UBAP2: variants seen among roughly 807,000 people sequenced by gnomAD.
UBAP2 encodes ubiquitin associated protein 2, also known as ubiquitin-associated protein 2.
A neutral mutation model predicts 139.6 loss-of-function variants in UBAP2; 75 were observed. That is an observed-to-expected ratio of 0.54 (90% CI 0.45 to 0.65). The LOEUF (loss-of-function observed/expected upper bound fraction) is 0.65, where lower values mean the gene tolerates loss of function less well. UBAP2 is among the 30% of genes least tolerant of loss of function. The pLI is 0.00. For missense variants in UBAP2, 1,368 were observed against 1,369.6 expected, an observed-to-expected ratio of 1.00 and a Z score of 0.02; for synonymous variants, 526 against 526.2, an observed-to-expected ratio of 1.00 and a Z score of 0.01.
chr9:33,931,035 T>C (rs1823936482), intron 19 of UBAP2, among the ~76,000 whole-genome samples: 1 of 152,298 alleles, frequency 6.6e-6, no homozygotes. Flanking sequence ...AGAAAAACTT[T>C]TCATTGTCTA....
intron 2 of UBAP2, among the ~76,000 whole-genome samples, chr9:34,013,456 A>G (rs1823950539): frequency 6.6e-6 from 1 of 152,094 alleles, no homozygotes; most frequent in African/African-American, 2.4e-5. Context: ...GCACCATTGC[A>G]CTCCAGCCTG....
At chr9:34,019,293 C>A (rs1221529632) in intron 1 of UBAP2, among the ~76,000 whole-genome samples, 1 of 152,068 alleles carries the variant, frequency 6.6e-6, no homozygotes, top group Non-Finnish European at 1.5e-5. Flanking sequence ...ATCCCAGCAA[C>A]TCAGGAAGCT....
rs966060887 is a variant in UBAP2 at position 33,956,591 on chromosome 9, A to G, written c.799-445T>C. ...TGATGCACCCACCTTGACCTCCCAA[A>G]GTGTTGGGATTACAAGTATAAGCCA... On this transcript the variant is annotated intron_variant, in intron 10 of 28. Transcript: ENST00000379238. Among the ~76,000 whole-genome samples, 67 of 152,166 alleles carry G rather than the reference A, an allele frequency of 4.4e-4. 1 individual carries two copies. The highest frequency in any genetic ancestry group is 1.5e-3 in the African/African-American group (64 of 41,520).
chr9:33,960,788 A>C (rs1360109604), intron 10 of UBAP2, 38 bp downstream of exon 10: 1 of 1,588,450 alleles, frequency 6.3e-7, no homozygotes, highest in African/African-American at 1.4e-5. Flanking sequence ...TTCAAAAAAA[A>C]AAAAAAAGAA....
chr9:34,044,358 G>A (rs958357865), intron 1 of UBAP2, among the ~76,000 whole-genome samples: 27 of 149,682 alleles, frequency 1.8e-4, no homozygotes, highest in Non-Finnish European at 3.6e-4. Context: ...CCGAGATAGC[G>A]CCACTGCACT....
intron 9 of UBAP2, among the ~76,000 whole-genome samples, chr9:33,963,077 T>C (rs1487836838): frequency 6.6e-6 from 1 of 152,174 alleles, no homozygotes; most frequent in African/African-American, 2.4e-5. Context: ...ACTTTGGACT[T>C]GCATAATAGG....
chr9:33,962,162 T>C (rs895995193), intron 9 of UBAP2, among the ~76,000 whole-genome samples: 1 of 152,164 alleles, frequency 6.6e-6, no homozygotes, highest in African/African-American at 2.4e-5. Flanking sequence ...AAAACAATGA[T>C]GAAACATTAC....
At chr9:34,017,238 G>A (rs1824447205) in intron 1 of UBAP2, 49 bp from the exon 2 acceptor site, 1 of 819,958 alleles carries the variant, frequency 1.2e-6, no homozygotes, top group Admixed American at 3.2e-5. Flanking sequence ...TAAAAGATAA[G>A]CATGTACTTC....
At chr9:33,923,695 G>A in intron 24 of UBAP2, 100 bp downstream of exon 24, 1 of 1,306,140 alleles carries the variant, frequency 7.7e-7, no homozygotes, top group Non-Finnish European at 1.1e-6. Flanking sequence ...AGACGGAGTG[G>A]AATCACAACC....
At chr9:33,992,865 C>G (rs1228806350) in intron 4 of UBAP2, among the ~76,000 whole-genome samples, 1 of 152,126 alleles carries the variant, frequency 6.6e-6, no homozygotes, top group Non-Finnish European at 1.5e-5. Flanking sequence ...AGTTGCAGAA[C>G]AGGTCTGAAG....
chr9:33,971,847 A>G, intron 7 of UBAP2, 93 bp from the exon 8 acceptor site: 1 of 736,984 alleles, frequency 1.4e-6, no homozygotes, highest in Non-Finnish European at 2.4e-6. Flanking sequence ...AAACAAGCCC[A>G]GTGCCTTCTC....
chr9:33,980,029 C>T (rs990060861), intron 6 of UBAP2, among the ~76,000 whole-genome samples: 5 of 151,420 alleles, frequency 3.3e-5, no homozygotes, highest in Admixed American at 6.6e-5. Flanking sequence ...GCCGAGATCA[C>T]GCCACTGCAC....
chr9:33,987,063 G>A (rs1345850211), intron 5 of UBAP2, among the ~76,000 whole-genome samples: 2 of 152,074 alleles, frequency 1.3e-5, no homozygotes, highest in Non-Finnish European at 2.9e-5. Flanking sequence ...CAGCTGAGGG[G>A]GGCAGATCTC....
intron 1 of UBAP2, among the ~76,000 whole-genome samples, chr9:34,022,305 A>G (rs903536718): frequency 3.9e-5 from 6 of 151,976 alleles, no homozygotes; most frequent in African/African-American, 1.5e-4. Context: ...CATCTTAAGT[A>G]TCTAAAGTGA....
chr9:34,030,691 C>A (rs965901965), intron 1 of UBAP2, among the ~76,000 whole-genome samples: 1 of 152,224 alleles, frequency 6.6e-6, no homozygotes, highest in African/African-American at 2.4e-5. Flanking sequence ...CTTTGGGAGG[C>A]CCGGGCGCAT....
chr9:33,992,325 GT>G (rs1339427918), intron 4 of UBAP2, among the ~76,000 whole-genome samples: 1 of 144,868 alleles, frequency 6.9e-6, no homozygotes, highest in African/African-American at 2.6e-5. Context: ...GAGGCAGGAG[GT>G]TGTGGTGAGC....
At chr9:34,045,024 A>C (rs751924134) in intron 1 of UBAP2, among the ~76,000 whole-genome samples, 2 of 152,008 alleles carry the variant, frequency 1.3e-5, no homozygotes, top group African/African-American at 2.4e-5. Flanking sequence ...GTTATCAAAA[A>C]ATGGAAACTT....
rs369436264 is a variant in UBAP2 at position 33,926,983 on chromosome 9, A to T, written c.2463+6T>A. 1.9e-6 allele frequency: 3 copies of T among 1,613,332 alleles called. No homozygotes were observed. The East Asian group carries it at 6.7e-5, about 36-fold the overall frequency. ...GGGCAGGCCAGGAGTTCCGCCATAC[A>T]CTCACCGGGTAGGCAGGAAGCAGTC... On this transcript the variant is annotated splice_donor_region_variant and intron_variant, in intron 21 of 28. Coordinates refer to ENST00000379238, the MANE Select transcript of UBAP2 (RefSeq NM_001370062.2).
intron 2 of UBAP2, among the ~76,000 whole-genome samples, chr9:34,016,382 TG>T (rs1824341602): frequency 1.4e-5 from 1 of 73,464 alleles, no homozygotes; most frequent in Non-Finnish European, 2.9e-5. Flanking sequence ...GTGGTGGTGG[TG>T]GTGGTGGTGG....
Sources: gnomAD v4.1 joint callset for allele counts (sites outside exome capture counted in the v4.1 genomes callset) on GRCh38, gnomAD v4.1.1 for gene constraint, MANE v1.5 for transcripts, NCBI Gene and HGNC (gene_info 2026-07-23, HGNC 2026-07-21) for gene names.